ASB8: variants seen among roughly 807,000 people sequenced by gnomAD.
ASB8 encodes ankyrin repeat and SOCS box protein 8.
Under a neutral mutation model 22.9 loss-of-function variants are expected in ASB8, and 15 were observed. That is an observed-to-expected ratio of 0.66 (90% CI 0.44 to 1.01). The LOEUF is 1.01. Among genes scored for constraint, ASB8 ranks in the 50% least tolerant of loss-of-function variants. The pLI is 0.00. For missense variants in ASB8, 294 were observed against 356.9 expected (o/e 0.82, Z 1.42); for synonymous variants, 124 against 140.8 (o/e 0.88, Z 0.84).
chr12:48,156,707 G>C (rs1050230704), intron 1 of ASB8, among the ~76,000 whole-genome samples: 3 of 152,108 alleles, frequency 2.0e-5, no homozygotes, highest in Non-Finnish European at 4.4e-5. Context: ...CTAATTTCCC[G>C]GGCGCTCTTG....
chr12:48,150,720 G>C (rs1409956020), intron 3 of ASB8, among the ~76,000 whole-genome samples: 1 of 152,106 alleles, frequency 6.6e-6, no homozygotes. Context: ...AAACATTTAA[G>C]TAAATTCAAC....
chr12:48,150,702 A>G (rs1403686700), intron 3 of ASB8, among the ~76,000 whole-genome samples: 2 of 152,218 alleles, frequency 1.3e-5, no homozygotes, highest in African/African-American at 4.8e-5. Flanking sequence ...AAACAAAAAA[A>G]AACCCTGAAA....
At chr12:48,151,484 C>G (rs994354100) in intron 2 of ASB8, 179 bp from the exon 3 acceptor site, 1 of 1,129,862 alleles carries the variant, frequency 8.9e-7, no homozygotes, top group East Asian at 2.6e-5. Flanking sequence ...AAGGAGTACA[C>G]TGAAGATGAA....
At chr12:48,152,707 C>T (rs1160667773) in intron 2 of ASB8, 1 of 151,310 alleles carries the variant, frequency 6.6e-6, no homozygotes. Flanking sequence ...TAAAAACCAC[C>T]TCTGTAGCCA....
In ASB8 at chr12:48,147,854, C is replaced by T. The variant is rs1250976972; in HGVS notation, c.*1512G>A. 1 of 151,914 alleles carries T rather than the reference C, an allele frequency of 6.6e-6. No individual in the cohort carries two copies. Among genetic ancestry groups the T allele is most frequent in the Admixed American group, 6.6e-5 (1 of 15,260 alleles). 9.4% of individuals were successfully genotyped at this position (151,914 alleles called of 1,614,324 possible). On this transcript the variant is annotated 3_prime_UTR_variant, in exon 4 of 4. Coordinates refer to ENST00000317697, the MANE Select transcript of ASB8 (RefSeq NM_024095.5). ...TTTTTAAACACCAGCATCAATAGGACAGAAGAAGACATCTGTTTTCCAATT... is the reference window on the plus strand; with the variant it reads ...TTTTTAAACACCAGCATCAATAGGATAGAAGAAGACATCTGTTTTCCAATT...
intron 3 of ASB8, 43 bp downstream of exon 3, chr12:48,151,158 A>C (rs1185828124): frequency 2.7e-6 from 4 of 1,479,148 alleles, no homozygotes; most frequent in Non-Finnish European, 2.8e-6. Flanking sequence ...CATGAAGCTC[A>C]AGTTTTAGTG....
rs1951131758 is a variant in ASB8, at chr12:48,148,220, G to A, written c.*1146C>T. 1.3e-5 allele frequency: 2 copies of A among 152,234 alleles called. No homozygotes were observed. The highest frequency in any genetic ancestry group is 4.8e-5 in the African/African-American group (2 of 41,448). 9.4% of individuals were successfully genotyped at this position (152,234 alleles called of 1,614,324 possible). On this transcript the variant is annotated 3_prime_UTR_variant, in exon 4 of 4. Coordinates refer to ENST00000317697, the MANE Select transcript of ASB8 (RefSeq NM_024095.5). Reference sequence around the variant, plus strand: ...TTGGGAATGAAGACCCATGGGAAAAGGCAGCCCAGCCCATAACTCCTCCCT... The same window carrying A: ...TTGGGAATGAAGACCCATGGGAAAAAGCAGCCCAGCCCATAACTCCTCCCT...
At position 48,153,462 on chromosome 12, in the gene ASB8, A is replaced by G. The variant is rs147288343; in HGVS notation, c.35T>C (p.Ile12Thr). Residue 12 changes from isoleucine (I) to threonine (T), a missense_variant, in exon 2 of 4, where the codon ATT (isoleucine) becomes ACT (threonine). By Grantham distance (89) the Ile-to-Thr change is moderately conservative. Coordinates refer to ENST00000317697, the MANE Select transcript of ASB8 (RefSeq NM_024095.5). ...CTCGGAGAGAGAGTATTTGCTCTGA[A>G]TGCTCTGCATAATATACCACATACT... is the stretch of plus-strand genomic sequence containing the variant. ...SSSMWYIMQSIQSKYSLSERL... is the reference protein window; with the variant it reads ...SSSMWYIMQSTQSKYSLSERL... The G allele has an allele frequency of 1.2e-5, 19 of 1,613,656 alleles. No homozygotes were observed. In the African/African-American group the frequency reaches 2.5e-4, roughly 22 times the overall value.
intron 1 of ASB8, among the ~76,000 whole-genome samples, chr12:48,156,140 C>A (rs1488182887): frequency 6.6e-6 from 1 of 152,010 alleles, no homozygotes; most frequent in Non-Finnish European, 1.5e-5. Flanking sequence ...CTGATAGTTT[C>A]TATTTTGTGA....
intron 1 of ASB8, among the ~76,000 whole-genome samples, chr12:48,156,153 CAGT>C (rs1156650105): frequency 1.3e-5 from 2 of 152,044 alleles, no homozygotes; most frequent in African/African-American, 4.8e-5. Context: ...TTTTGTGAAT[CAGT>C]AGCCATTTAT....
At position 48,153,368 on chromosome 12, in the gene ASB8, C is replaced by T. The variant is rs1219133547; in HGVS notation, c.129G>A (p.Gly43=). The stretch of plus-strand genomic sequence containing the variant: ...CTCCTGTCAATACCAGCACACTCAC[C>T]CCTCTGATGAGGTCCTCTACATTAT... ...PHDNVEDLIR[G]GADVNCTHGT... The change falls in exon 2 of 4, where the codon GGG becomes GGA. Residue 43 remains glycine (G), a splice_region_variant and synonymous_variant. Coordinates refer to ENST00000317697, the MANE Select transcript of ASB8 (RefSeq NM_024095.5). 4 of 1,613,864 alleles carry T rather than the reference C, an allele frequency of 2.5e-6. No homozygotes were observed. The highest frequency in any genetic ancestry group is 4.5e-5 in the East Asian group (2 of 44,864).
At chr12:48,151,439 C>T in intron 2 of ASB8, 134 bp from the exon 3 acceptor site, 1 of 962,404 alleles carries the variant, frequency 1.0e-6, no homozygotes, top group Non-Finnish European at 1.5e-6. Context: ...GTTCCTGTTT[C>T]CTTTTCTATT....
At chr12:48,151,449 T>G (rs1465856080) in intron 2 of ASB8, 144 bp from the exon 3 acceptor site, 13 of 963,170 alleles carry the variant, frequency 1.3e-5, no homozygotes, top group Non-Finnish European at 2.0e-5. Context: ...CCTTTTCTAT[T>G]AATATTATGT....
At chr12:48,154,058 G>A (rs1951250262) in intron 1 of ASB8, 1 of 154,062 alleles carries the variant, frequency 6.5e-6, no homozygotes, top group African/African-American at 2.4e-5. Context: ...ATATTGGTTG[G>A]TCGACTGACT....
At position 48,148,842 on chromosome 12, in the gene ASB8, T is replaced by C. The variant is rs1330696212; in HGVS notation, c.*524A>G. The C allele has an allele frequency of 1.9e-5, 3 of 156,454 alleles. No individual in the cohort carries two copies. The highest frequency in any genetic ancestry group is 7.3e-5 in the African/African-American group (3 of 41,360). The allele number at this position is 156,454 out of a possible 1,614,324, so 9.7% of individuals were successfully genotyped here. The stretch of plus-strand genomic sequence containing the variant: ...CCATGCCCAGCTAATTTTTGTATTT[T>C]TAGTAGAGACGGGGTTTCATCATAT... On this transcript the variant is annotated 3_prime_UTR_variant, in exon 4 of 4. Transcript: ENST00000317697.
chr12:48,156,714 C>T (rs1245553211), intron 1 of ASB8, among the ~76,000 whole-genome samples: 3 of 152,182 alleles, frequency 2.0e-5, no homozygotes, highest in Admixed American at 1.3e-4. Context: ...CCCGGGCGCT[C>T]TTGGGCTCTG....
intron 1 of ASB8, among the ~76,000 whole-genome samples, chr12:48,154,517 G>A (rs2136081701): frequency 6.7e-6 from 1 of 148,656 alleles, no homozygotes; most frequent in Middle Eastern, 3.5e-3. Flanking sequence ...ATTTGAGGTA[G>A]TATTCTAAAA....
intron 1 of ASB8, among the ~76,000 whole-genome samples, chr12:48,154,480 C>CAAAAAAAAA (rs11384481): frequency 1.4e-5 from 1 of 73,808 alleles, no homozygotes; most frequent in Non-Finnish European, 2.5e-5. Flanking sequence ...GACTCTATCT[C>CAAAAAAAAA]AAAAAAAAAA....
Position 48,149,287 on chromosome 12 carries a change from C to A in ASB8, c.*79G>T. 7.0e-7 allele frequency: 1 copy of A among 1,422,314 alleles called. No individual in the cohort carries two copies. Among genetic ancestry groups the A allele is most frequent in the South Asian group, 1.3e-5 (1 of 74,102 alleles). 88.1% of individuals were successfully genotyped at this position (1,422,314 alleles called of 1,614,324 possible). ...CCACACAACAGGAACAACTGTTTTT[C>A]TGTTTTCTGTGACAAGGAGTACTGC... is the stretch of plus-strand genomic sequence containing the variant. On this transcript the variant is annotated 3_prime_UTR_variant, in exon 4 of 4. Transcript: ENST00000317697.
Sources: allele counts gnomAD v4.1 joint callset (sites outside exome capture counted in the v4.1 genomes callset), GRCh38; gene constraint gnomAD v4.1.1; transcripts MANE v1.5; gene names NCBI Gene and HGNC (gene_info 2026-07-23, HGNC 2026-07-21).